Variants in HIVEP3 observed in about 807,000 individuals in gnomAD.
HIVEP3 encodes the protein transcription factor HIVEP3.
In HIVEP3, 49 loss-of-function variants were observed where a neutral mutation model predicts 152.8. That is an observed-to-expected ratio of 0.32 (90% CI 0.26 to 0.41). The LOEUF (loss-of-function observed/expected upper bound fraction) is 0.41, where lower values mean the gene tolerates loss of function less well. Ranked by LOEUF, HIVEP3 falls within the 10% of genes least tolerant of loss-of-function variation. HIVEP3 has a pLI of 1.00. For synonymous variants in HIVEP3, 1,269 were observed against 1,289.0 expected (o/e 0.98, Z 0.33); for missense variants, 2,790 against 3,103.3 (o/e 0.90, Z 2.40).
intron 1 of HIVEP3, among the ~76,000 whole-genome samples, chr1:41,963,616 T>C (rs1645181476): frequency 6.6e-6 from 1 of 151,966 alleles, no homozygotes; most frequent in African/African-American, 2.4e-5. Context: ...ATGGCACATG[T>C]ATACATATGT....
Position 41,606,237 on chromosome 1 carries a change from C to T in HIVEP3, c.-521-20919G>A, listed in dbSNP as rs182718674. 5.3e-5 allele frequency among the ~76,000 whole-genome samples: 8 copies of T among 152,030 alleles called. No individual in the cohort carries two copies. In the East Asian group the frequency reaches 1.5e-3, roughly 29 times the overall value. ...TTCTGGCAGTTGCTTTTAGCATCTT[C>T]AAGTAATATACTTAAATTGCGATTT... On this transcript the variant is annotated intron_variant, in intron 3 of 8. Transcript: ENST00000372583.
chr1:41,830,466 A>T (rs765891301), intron 1 of HIVEP3, among the ~76,000 whole-genome samples: 7 of 152,172 alleles, frequency 4.6e-5, no homozygotes, highest in Non-Finnish European at 7.3e-5. Context: ...TCCAGCATGG[A>T]GCCACTCATT....
At chr1:41,923,831 C>T (rs1644953366), upstream of HIVEP3, among the ~76,000 whole-genome samples, 1 of 152,042 alleles carries the variant, frequency 6.6e-6, no homozygotes, top group South Asian at 2.1e-4. Flanking sequence ...TTTTCACATA[C>T]ACAAAAATTC....
At chr1:41,680,866 AC>A (rs1317515427) in intron 2 of HIVEP3, among the ~76,000 whole-genome samples, 3 of 152,112 alleles carry the variant, frequency 2.0e-5, no homozygotes, top group Non-Finnish European at 4.4e-5. Context: ...AAACAGGACA[AC>A]CCCCTCTCCG....
At chr1:41,795,287 G>A (rs1433922605) in intron 1 of HIVEP3, among the ~76,000 whole-genome samples, 1 of 152,136 alleles carries the variant, frequency 6.6e-6, no homozygotes, top group Non-Finnish European at 1.5e-5. Flanking sequence ...TATTTTGTAT[G>A]ATGTCCCTCA....
intron 2 of HIVEP3, among the ~76,000 whole-genome samples, chr1:41,660,097 T>A (rs1373466627): frequency 6.6e-6 from 1 of 151,836 alleles, no homozygotes. Flanking sequence ...CATGTGTGAG[T>A]GAGTTGGAGT....
At chr1:41,608,029 G>A (rs866588626) in intron 3 of HIVEP3, among the ~76,000 whole-genome samples, 1 of 152,240 alleles carries the variant, frequency 6.6e-6, no homozygotes, top group Non-Finnish European at 1.5e-5. Context: ...GTGAGGCAGT[G>A]TAGTGTTTAG....
chr1:41,558,176 C>T (rs1412785620), intron 5 of HIVEP3, among the ~76,000 whole-genome samples: 2 of 152,182 alleles, frequency 1.3e-5, no homozygotes, highest in Non-Finnish European at 2.9e-5. Flanking sequence ...CCTGTGAGTC[C>T]TCAGGAGAGG....
At chr1:41,591,645 T>C (rs549082356) in intron 3 of HIVEP3, among the ~76,000 whole-genome samples, 12 of 152,112 alleles carry the variant, frequency 7.9e-5, no homozygotes, top group East Asian at 7.7e-4. Flanking sequence ...CCTACTGAGA[T>C]TGAGACTTTG....
chr1:41,642,395 T>C (rs975607642), intron 2 of HIVEP3, among the ~76,000 whole-genome samples: 2 of 152,216 alleles, frequency 1.3e-5, no homozygotes, highest in African/African-American at 4.8e-5. Context: ...CTGTCTGGAA[T>C]ATTTCTCTCC....
At chr1:41,702,206 A>C (rs1646373077) in intron 1 of HIVEP3, among the ~76,000 whole-genome samples, 1 of 152,118 alleles carries the variant, frequency 6.6e-6, no homozygotes, top group Non-Finnish European at 1.5e-5. Flanking sequence ...CATCCCCACC[A>C]ACATCAACAT....
At position 41,584,646 on chromosome 1, in the gene HIVEP3, T is replaced by A; in HGVS notation, c.152A>T (p.Gln51Leu). 2 of 1,599,184 alleles carry A rather than the reference T, an allele frequency of 1.3e-6. No homozygotes were observed. The highest frequency in any genetic ancestry group is 8.5e-7 in the Non-Finnish European group (1 of 1,172,056). The change falls in exon 4 of 9, where the codon CAA (glutamine) becomes CTA (leucine). Residue 51 changes from glutamine to leucine, a missense_variant. Physicochemically the swap from Gln to Leu is moderately radical, Grantham distance 113 (BLOSUM62 -2). This residue lies in a region of HIVEP3 where 209 missense variants were observed against 237.0 expected (regional missense o/e 0.88). Coordinates refer to ENST00000372583, the MANE Select transcript of HIVEP3 (RefSeq NM_024503.5). The surrounding 1 kb of genome is among the most constrained non-coding windows in gnomAD (Gnocchi z 5.2). ...GAAGGGCTGCGGGGCTAAGAGCTCT[T>A]GGGCGGGGCTCTCTTGGGTGGCAGC... ...GTAATQESPAQELLAPQPFPG... is the reference protein window; with the variant it reads ...GTAATQESPALELLAPQPFPG...
Position 41,612,607 on chromosome 1 carries a change from G to A in HIVEP3, c.-522+16142C>T, listed in dbSNP as rs565759424. The stretch of plus-strand genomic sequence containing the variant: ...CCACAGCTCAGGACTCTGATTCTCC[G>A]TCCCATGGTTCTCAAGGATTCATGG... On this transcript the variant is annotated intron_variant, in intron 3 of 8. Transcript: ENST00000372583. Among the ~76,000 whole-genome samples, 22 of 152,314 alleles carry A rather than the reference G, an allele frequency of 1.4e-4. No homozygotes were observed. In the East Asian group the frequency reaches 3.3e-3, roughly 23 times the overall value.
At position 41,512,831 on chromosome 1, in the gene HIVEP3, G is replaced by A. The variant is rs781085167; in HGVS notation, c.6390C>T (p.Thr2130=). Reference sequence around the variant, plus strand: ...AGGAACTCACCCACGGGGAGGCGCAGGTCTCTGGGCTTCTGCTGAGGAGCT... The same window carrying A: ...AGGAACTCACCCACGGGGAGGCGCAAGTCTCTGGGCTTCTGCTGAGGAGCT... ...PHKLLSRSPE[T]CASPWQKAES... The change falls in exon 8 of 9, where the codon ACC becomes ACT. Residue 2130 remains threonine (T), a synonymous_variant. Coordinates refer to ENST00000372583, the MANE Select transcript of HIVEP3 (RefSeq NM_024503.5). 11 of 1,513,674 alleles carry A rather than the reference G, an allele frequency of 7.3e-6. No individual in the cohort carries two copies. Among genetic ancestry groups the A allele is most frequent in the Admixed American group, 4.2e-5 (2 of 47,242 alleles). The allele number at this position is 1,513,674 out of a possible 1,614,324, so 93.8% of individuals were successfully genotyped here.
intron 1 of HIVEP3, among the ~76,000 whole-genome samples, chr1:41,982,342 T>C (rs1483042916): frequency 6.6e-6 from 1 of 152,218 alleles, no homozygotes; most frequent in Non-Finnish European, 1.5e-5. Context: ...ATGGCATTGA[T>C]GGAACTGCGT....
At chr1:41,568,006 G>T (rs2149094358) in intron 5 of HIVEP3, among the ~76,000 whole-genome samples, 2 of 152,128 alleles carry the variant, frequency 1.3e-5, no homozygotes, top group East Asian at 3.9e-4. Flanking sequence ...CTCACCCAAG[G>T]TCTCAGTCAA....
At chr1:41,555,776 C>T (rs1039144818) in intron 5 of HIVEP3, among the ~76,000 whole-genome samples, 3 of 152,202 alleles carry the variant, frequency 2.0e-5, no homozygotes, top group Non-Finnish European at 4.4e-5. Context: ...ATCTGTTAAA[C>T]ACTCACTCCC....
intron 2 of HIVEP3, among the ~76,000 whole-genome samples, chr1:41,661,478 T>C (rs754820678): frequency 1.3e-5 from 2 of 152,074 alleles, no homozygotes; most frequent in Non-Finnish European, 2.9e-5. Context: ...TGGGAGTAGA[T>C]CTCTCCCAGT....
intron 5 of HIVEP3, among the ~76,000 whole-genome samples, chr1:41,529,758 C>A (rs534275700): frequency 1.3e-5 from 2 of 148,962 alleles, no homozygotes; most frequent in African/African-American, 2.5e-5. Context: ...CCACACACAC[C>A]CCCAGACTCA....
Sources: allele counts gnomAD v4.1 joint callset (sites outside exome capture counted in the v4.1 genomes callset), GRCh38; gene constraint gnomAD v4.1.1; regional missense constraint gnomAD v4.1.1; non-coding constraint Gnocchi (gnomAD v3.1); transcripts MANE v1.5; gene names NCBI Gene and HGNC (gene_info 2026-07-23, HGNC 2026-07-21).